SUCLG2: variants seen among roughly 807,000 people sequenced by gnomAD.
SUCLG2 encodes the protein succinate--CoA ligase [GDP-forming] subunit beta, mitochondrial.
A neutral mutation model predicts 47.9 loss-of-function variants in SUCLG2; 42 were observed. The ratio of observed to expected loss-of-function variants is 0.88; its 90% CI spans 0.69 to 1.14. The LOEUF is 1.14. Among genes scored for constraint, SUCLG2 ranks in the 50% most tolerant of loss-of-function variants. The pLI, the probability that SUCLG2 is intolerant of heterozygous loss-of-function variation, is 0.00. For missense variants in SUCLG2, 571 were observed against 525.9 expected (o/e 1.09, Z -0.84); for synonymous variants, 195 against 197.3 (o/e 0.99, Z 0.10).
At chr3:67,579,418 T>C (rs920832400) in intron 2 of SUCLG2, among the ~76,000 whole-genome samples, 4 of 152,228 alleles carry the variant, frequency 2.6e-5, no homozygotes, top group African/African-American at 9.6e-5. Context: ...AACACAGTAA[T>C]CATAGGCTAA....
chr3:67,429,431 C>G (rs540775251), intron 9 of SUCLG2, among the ~76,000 whole-genome samples: 4 of 152,160 alleles, frequency 2.6e-5, no homozygotes, highest in Non-Finnish European at 5.9e-5. Context: ...GCCTGTCTTA[C>G]AAGAGCTCCT....
chr3:67,432,950 A>G (rs1703523543), intron 9 of SUCLG2, among the ~76,000 whole-genome samples: 1 of 152,254 alleles, frequency 6.6e-6, no homozygotes, highest in Non-Finnish European at 1.5e-5. Flanking sequence ...ATTGAATTAA[A>G]TTGAAGGAAT....
At chr3:67,603,181 A>G (rs1279561312) in intron 2 of SUCLG2, among the ~76,000 whole-genome samples, 5 of 152,190 alleles carry the variant, frequency 3.3e-5, no homozygotes, top group African/African-American at 7.2e-5. Context: ...ACAAAAATCA[A>G]TGTTATCCTT....
rs543631164 is a variant in SUCLG2 at position 67,607,922 on chromosome 3, G to GT, written c.226+1532dup. ...GAGGTCTCCCCAGCCATGCGGAACTGTGAGTCCACTAAATCTCTTTCCTTT... is the reference window on the plus strand; with the variant it reads ...GAGGTCTCCCCAGCCATGCGGAACTGTTGAGTCCACTAAATCTCTTTCCTTT... On this transcript the variant is annotated intron_variant, in intron 2 of 10. Transcript: ENST00000307227. Among the ~76,000 whole-genome samples, 608 of 152,290 alleles carry GT rather than the reference G, an allele frequency of 4.0e-3. 2 individuals are homozygous for GT. The highest frequency in any genetic ancestry group is 6.8e-3 in the Middle Eastern group (2 of 294).
chr3:67,630,249 A>G (rs988259533), intron 1 of SUCLG2, among the ~76,000 whole-genome samples: 28 of 152,340 alleles, frequency 1.8e-4, no homozygotes, highest in Admixed American at 1.7e-3. Context: ...ATGTTGTTTA[A>G]TATTACCTAT....
intron 9 of SUCLG2, among the ~76,000 whole-genome samples, chr3:67,476,407 G>T (rs1304117214): frequency 6.6e-6 from 1 of 151,982 alleles, no homozygotes; most frequent in Non-Finnish European, 1.5e-5. Context: ...CTCCTTATGA[G>T]AATCTAATGC....
At chr3:67,654,290 G>C (rs1036044413) in intron 1 of SUCLG2, among the ~76,000 whole-genome samples, 1 of 152,184 alleles carries the variant, frequency 6.6e-6, no homozygotes, top group African/African-American at 2.4e-5. Context: ...CTCATACCCC[G>C]AGGCACCCGG....
chr3:67,407,427 C>G (rs1702840261), intron 9 of SUCLG2, among the ~76,000 whole-genome samples: 3 of 152,102 alleles, frequency 2.0e-5, no homozygotes, highest in Admixed American at 6.6e-5. Context: ...ATAAAGGAGT[C>G]CAACTTTAAT....
chr3:67,472,449 C>A (rs967356409), intron 9 of SUCLG2, among the ~76,000 whole-genome samples: 1 of 152,142 alleles, frequency 6.6e-6, no homozygotes, highest in East Asian at 1.9e-4. Context: ...CATTTTATCA[C>A]AATGGCTGTT....
At position 67,528,367 on chromosome 3, in the gene SUCLG2, C is replaced by T. The variant is rs565232129; in HGVS notation, c.327-145G>A. ...CATGAGTCTTTCTGCTTATGTGCTG[C>T]GTGTTTAGCACTGTACTAGAGGCTC... On this transcript the variant is annotated intron_variant, in intron 3 of 10. Coordinates refer to ENST00000307227, the MANE Select transcript of SUCLG2 (RefSeq NM_003848.4). 1.5e-5 allele frequency: 11 copies of T among 710,316 alleles called. No individual in the cohort carries two copies. The East Asian group carries it at 1.7e-4, about 11-fold the overall frequency. The allele number at this position is 710,316 out of a possible 1,614,324, so 44.0% of individuals were successfully genotyped here. A position where few individuals can be genotyped will look rare whatever the true frequency, so the allele number is the denominator to read the frequency against.
chr3:67,594,831 T>C (rs1280506998), intron 2 of SUCLG2, among the ~76,000 whole-genome samples: 3 of 152,252 alleles, frequency 2.0e-5, no homozygotes, highest in Admixed American at 1.3e-4. Context: ...ATCATTGATA[T>C]TGTTTTAAAT....
chr3:67,556,513 T>C (rs1339504297), intron 2 of SUCLG2, among the ~76,000 whole-genome samples: 1 of 152,190 alleles, frequency 6.6e-6, no homozygotes, highest in Non-Finnish European at 1.5e-5. Context: ...AAATAGAGAA[T>C]TAAATTTTTA....
At chr3:67,494,302 A>G (rs1183162931) in intron 9 of SUCLG2, among the ~76,000 whole-genome samples, 1 of 152,200 alleles carries the variant, frequency 6.6e-6, no homozygotes, top group Non-Finnish European at 1.5e-5. Flanking sequence ...CCAACTCAAT[A>G]TATTAGATAC....
chr3:67,575,350 T>C (rs1707716901), intron 2 of SUCLG2, among the ~76,000 whole-genome samples: 1 of 152,174 alleles, frequency 6.6e-6, no homozygotes, highest in Non-Finnish European at 1.5e-5. Flanking sequence ...CTATTCAGCA[T>C]TACAAAAGAA....
At chr3:67,653,829 G>T (rs573498023) in intron 1 of SUCLG2, among the ~76,000 whole-genome samples, 1 of 152,324 alleles carries the variant, frequency 6.6e-6, no homozygotes, top group Admixed American at 6.5e-5. Context: ...TCGCTATCCA[G>T]CCCACCACTG....
intron 2 of SUCLG2, among the ~76,000 whole-genome samples, chr3:67,594,765 T>G (rs955669186): frequency 6.6e-6 from 1 of 152,240 alleles, no homozygotes; most frequent in Non-Finnish European, 1.5e-5. Context: ...ATTTTTATTA[T>G]TGAAAACAGA....
chr3:67,414,341 AAATG>A (rs1217673510), intron 9 of SUCLG2, among the ~76,000 whole-genome samples: 11 of 152,370 alleles, frequency 7.2e-5, no homozygotes. Context: ...TTACAGTTCC[AAATG>A]ACTGTTTTTA....
intron 2 of SUCLG2, among the ~76,000 whole-genome samples, chr3:67,566,932 C>A (rs1391708513): frequency 3.3e-5 from 5 of 152,182 alleles, no homozygotes; most frequent in African/African-American, 9.7e-5. Flanking sequence ...CGCCTGTAAT[C>A]CCAGCACTTT....
At chr3:67,428,237 G>C (rs1457976812) in intron 9 of SUCLG2, among the ~76,000 whole-genome samples, 2 of 152,214 alleles carry the variant, frequency 1.3e-5, no homozygotes, top group Non-Finnish European at 2.9e-5. Flanking sequence ...GCCCCTCTGA[G>C]ACGAAACTTC....
Sources: gnomAD v4.1 joint callset for allele counts (sites outside exome capture counted in the v4.1 genomes callset) on GRCh38, gnomAD v4.1.1 for gene constraint, MANE v1.5 for transcripts, NCBI Gene and HGNC (gene_info 2026-07-23, HGNC 2026-07-21) for gene names.